Variants in UNC13C observed in about 807,000 individuals in gnomAD.
UNC13C encodes protein unc-13 homolog C.
In UNC13C, 174 loss-of-function variants were observed where a neutral mutation model predicts 245.4. The ratio of observed to expected loss-of-function variants is 0.71; its 90% CI spans 0.63 to 0.80. The LOEUF is 0.80. UNC13C is among the 30% of genes least tolerant of loss of function. UNC13C has a pLI of 0.00. For missense variants in UNC13C, 2,829 were observed against 2,602.9 expected, an observed-to-expected ratio of 1.09 and a Z score of -1.89; for synonymous variants, 992 against 895.1, an observed-to-expected ratio of 1.11 and a Z score of -1.93.
chr15:54,633,338 A>T (rs1211263507), downstream of UNC13C: 1 of 152,208 alleles, frequency 6.6e-6, no homozygotes, highest in Non-Finnish European at 1.5e-5. Context: ...GGTTTTCAGC[A>T]TACAAATCCT....
At chr15:54,403,808 T>A (rs1404764608) in intron 18 of UNC13C, among the ~76,000 whole-genome samples, 2 of 151,506 alleles carry the variant, frequency 1.3e-5, no homozygotes, top group Non-Finnish European at 2.9e-5. Context: ...AATATCTGAG[T>A]TCATTAAAAT....
intron 30 of UNC13C, among the ~76,000 whole-genome samples, chr15:54,599,821 T>G (rs551345943): frequency 4.6e-5 from 7 of 152,142 alleles, no homozygotes; most frequent in Non-Finnish European, 1.0e-4. Flanking sequence ...CTTTTCTTCT[T>G]GAGTAGTACT....
At chr15:53,870,282 G>T in the UNC13C span, among the ~76,000 whole-genome samples, 1 of 152,126 alleles carries the variant, frequency 6.6e-6, no homozygotes, top group Non-Finnish European at 1.5e-5. Flanking sequence ...CCTCTCCTTT[G>T]AGAAGTCACT....
At chr15:54,409,024 G>A (rs577517843) in intron 18 of UNC13C, among the ~76,000 whole-genome samples, 7 of 152,034 alleles carry the variant, frequency 4.6e-5, no homozygotes, top group African/African-American at 1.7e-4. Flanking sequence ...CACAGATATT[G>A]GTATAGAAAA....
chr15:54,312,766 A>G (rs1447537612), intron 13 of UNC13C, among the ~76,000 whole-genome samples: 3 of 151,756 alleles, frequency 2.0e-5, no homozygotes, highest in African/African-American at 7.2e-5. Context: ...GCAGCAGTCT[A>G]GGCCCCAGAT....
intron 17 of UNC13C, among the ~76,000 whole-genome samples, chr15:54,382,387 G>A (rs1253113676): frequency 6.6e-6 from 1 of 152,044 alleles, no homozygotes; most frequent in African/African-American, 2.4e-5. Context: ...CCAGGAGTTT[G>A]AGACAAGCCT....
intron 13 of UNC13C, among the ~76,000 whole-genome samples, chr15:54,320,079 A>T (rs931875324): frequency 1.3e-5 from 2 of 152,012 alleles, no homozygotes; most frequent in Admixed American, 6.6e-5. Flanking sequence ...CTTACAGAAG[A>T]TATTTCTTTC....
intron 4 of UNC13C, among the ~76,000 whole-genome samples, chr15:54,221,851 A>G (rs1260911090): frequency 6.6e-6 from 1 of 152,132 alleles, no homozygotes; most frequent in Non-Finnish European, 1.5e-5. Flanking sequence ...CTAAATAACT[A>G]TCAACTGTCC....
At chr15:54,330,160 A>G (rs2038402395) in intron 14 of UNC13C, among the ~76,000 whole-genome samples, 1 of 152,088 alleles carries the variant, frequency 6.6e-6, no homozygotes, top group African/African-American at 2.4e-5. Context: ...CACAGAGGGC[A>G]AAAGTTGAAA....
At chr15:54,514,707 T>C (rs1894893284) in intron 24 of UNC13C, among the ~76,000 whole-genome samples, 1 of 152,172 alleles carries the variant, frequency 6.6e-6, no homozygotes, top group Non-Finnish European at 1.5e-5. Context: ...TGTTTTTTCT[T>C]CACAGAATCA....
At chr15:54,337,513 G>T (rs1020545160) in intron 16 of UNC13C, among the ~76,000 whole-genome samples, 2 of 152,114 alleles carry the variant, frequency 1.3e-5, no homozygotes, top group African/African-American at 4.8e-5. Context: ...AAATATTGGG[G>T]TCAACTGGAG....
chr15:54,209,543 G>A (rs868306606), intron 4 of UNC13C, among the ~76,000 whole-genome samples: 1 of 151,878 alleles, frequency 6.6e-6, no homozygotes, highest in Non-Finnish European at 1.5e-5. Flanking sequence ...CTCCTGAATA[G>A]CTGGACTACA....
At chr15:54,307,781 T>G (rs2037765257) in intron 13 of UNC13C, among the ~76,000 whole-genome samples, 1 of 151,918 alleles carries the variant, frequency 6.6e-6, no homozygotes, top group African/African-American at 2.4e-5. Context: ...AAAATCTCCA[T>G]AACTGGGCTC....
At chr15:54,530,170 C>A (rs1050509332) in intron 25 of UNC13C, among the ~76,000 whole-genome samples, 5 of 152,020 alleles carry the variant, frequency 3.3e-5, no homozygotes, top group Non-Finnish European at 7.4e-5. Flanking sequence ...CTATAATTAC[C>A]ATGTAAAAAT....
chr15:54,625,133 T>C (rs1052017441), intron 32 of UNC13C, among the ~76,000 whole-genome samples: 1 of 152,038 alleles, frequency 6.6e-6, no homozygotes, highest in African/African-American at 2.4e-5. Context: ...AAAGCAGCAG[T>C]GACATTCCAT....
chr15:54,257,165 A>C (rs1311853370), intron 8 of UNC13C, among the ~76,000 whole-genome samples: 1 of 152,212 alleles, frequency 6.6e-6, no homozygotes, highest in Non-Finnish European at 1.5e-5. Flanking sequence ...TATATGAAGA[A>C]ATTTATGAAA....
intron 12 of UNC13C, among the ~76,000 whole-genome samples, chr15:54,298,996 G>A (rs938670820): frequency 2.0e-5 from 3 of 152,038 alleles, no homozygotes; most frequent in African/African-American, 7.2e-5. Flanking sequence ...TATTACACAC[G>A]ATTTAGGTAT....
chr15:54,577,048 G>T (rs1198577253), intron 30 of UNC13C, among the ~76,000 whole-genome samples: 1 of 152,062 alleles, frequency 6.6e-6, no homozygotes, highest in Non-Finnish European at 1.5e-5. Flanking sequence ...CTAGACACTG[G>T]AACATCCAAA....
intron 4 of UNC13C, among the ~76,000 whole-genome samples, chr15:54,189,952 A>T (rs573051429): frequency 7.0e-4 from 107 of 152,316 alleles, no homozygotes; most frequent in African/African-American, 2.5e-3. Context: ...ATATTATGTA[A>T]CATGTTAGGT....
Sources: allele counts gnomAD v4.1 joint callset (sites outside exome capture counted in the v4.1 genomes callset), GRCh38; gene constraint gnomAD v4.1.1; transcripts MANE v1.5; gene names NCBI Gene and HGNC (gene_info 2026-07-23, HGNC 2026-07-21).